LOC112694756: variants seen among roughly 807,000 people sequenced by gnomAD.
the LOC112694756 span, among the ~76,000 whole-genome samples, chr16:30,054,047 C>G: frequency 6.6e-6 from 1 of 151,008 alleles, no homozygotes. Flanking sequence ...TGACCAGGTG[C>G]GGTGGCTCAT....
At chr16:30,069,155 C>T in the LOC112694756 span, 1 of 1,320,366 alleles carries the variant, frequency 7.6e-7, no homozygotes, top group Non-Finnish European at 1.1e-6. Context: ...GTGGGTGGAT[C>T]TGAGGCGGCT....
At chr16:30,054,332 T>A in the LOC112694756 span, among the ~76,000 whole-genome samples, 87 of 151,760 alleles carry the variant, frequency 5.7e-4, 4 homozygotes, top group South Asian at 0.018. Context: ...ATAATAATAA[T>A]AAAATAAATA....
the LOC112694756 span, among the ~76,000 whole-genome samples, chr16:30,062,689 A>G: frequency 7.0e-6 from 1 of 142,604 alleles, no homozygotes; most frequent in African/African-American, 2.6e-5. Context: ...TAAAAATACA[A>G]AATTAGCCAA....
chr16:30,056,986 C>T, the LOC112694756 span, among the ~76,000 whole-genome samples: 2 of 150,816 alleles, frequency 1.3e-5, no homozygotes, highest in East Asian at 3.9e-4. Context: ...TCTCGGCTCA[C>T]CGCAATCTCT....
At chr16:30,054,936 T>A in the LOC112694756 span, 1 of 398,602 alleles carries the variant, frequency 2.5e-6, no homozygotes, top group African/African-American at 2.1e-5. Flanking sequence ...TGGTGAGGGG[T>A]CTGGTCGGGG....
At chr16:30,054,551 G>T in the LOC112694756 span, 2 of 355,894 alleles carry the variant, frequency 5.6e-6, no homozygotes, top group East Asian at 8.3e-5. Context: ...AGGAAAATCA[G>T]CCCTAGAAGA....
At chr16:30,067,552 C>G in the LOC112694756 span, 1 of 1,613,796 alleles carries the variant, frequency 6.2e-7, no homozygotes, top group African/African-American at 1.3e-5. Context: ...CGCGTGAACC[C>G]CTGCATTGGG....
the LOC112694756 span, chr16:30,068,319 C>T: frequency 2.7e-6 from 1 of 370,368 alleles, no homozygotes; most frequent in African/African-American, 2.1e-5. Flanking sequence ...CCACCTCGGC[C>T]TCCCAAAGTG....
chr16:30,062,710 A>G, the LOC112694756 span, among the ~76,000 whole-genome samples: 9 of 151,802 alleles, frequency 5.9e-5, no homozygotes, highest in African/African-American at 2.2e-4. Flanking sequence ...GTGTGGTGGC[A>G]CATGCCTGTA....
At chr16:30,067,317 C>T in the LOC112694756 span, 5 of 1,613,436 alleles carry the variant, frequency 3.1e-6, no homozygotes, top group Non-Finnish European at 4.2e-6. Flanking sequence ...ACATCGCTCA[C>T]CGCATCGTGG....
the LOC112694756 span, chr16:30,055,273 T>A: frequency 5.0e-6 from 2 of 399,228 alleles, no homozygotes; most frequent in Non-Finnish European, 8.8e-6. Context: ...GCAACTTTCC[T>A]CTGCCTAGCC....
At chr16:30,060,897 G>A in the LOC112694756 span, among the ~76,000 whole-genome samples, 1 of 152,210 alleles carries the variant, frequency 6.6e-6, no homozygotes. Flanking sequence ...GCAGGTGGCA[G>A]GTCCCCTCCC....
chr16:30,066,803 C>T, the LOC112694756 span: 3 of 1,448,634 alleles, frequency 2.1e-6, no homozygotes, highest in Admixed American at 4.6e-5. Flanking sequence ...ATATCTGGGC[C>T]CTTTCCCACG....
chr16:30,067,813 C>A, the LOC112694756 span: 1 of 830,368 alleles, frequency 1.2e-6, no homozygotes, highest in Non-Finnish European at 2.0e-6. Context: ...CATTTTTAAT[C>A]CTCACAATTC....
At chr16:30,057,140 C>T in the LOC112694756 span, among the ~76,000 whole-genome samples, 1 of 151,760 alleles carries the variant, frequency 6.6e-6, no homozygotes, top group African/African-American at 2.4e-5. Flanking sequence ...GAACTCCCGA[C>T]CTCAGGTTAT....
the LOC112694756 span, among the ~76,000 whole-genome samples, chr16:30,057,432 G>A: frequency 6.6e-6 from 1 of 152,186 alleles, no homozygotes; most frequent in Non-Finnish European, 1.5e-5. Context: ...GCTTGGAGAA[G>A]ACAACCTGTT....
the LOC112694756 span, chr16:30,055,187 G>T: frequency 5.0e-6 from 2 of 399,176 alleles, no homozygotes; most frequent in Non-Finnish European, 8.8e-6. Flanking sequence ...GGGCTGCTGC[G>T]CGGACGGTAG....
chr16:30,065,276 G>C, the LOC112694756 span, among the ~76,000 whole-genome samples: 1 of 152,220 alleles, frequency 6.6e-6, no homozygotes, highest in Non-Finnish European at 1.5e-5. Flanking sequence ...TTCAGCCCGC[G>C]GGCGAGGCAG....
the LOC112694756 span, chr16:30,066,980 C>A: frequency 1.3e-6 from 2 of 1,557,142 alleles, no homozygotes; most frequent in African/African-American, 2.7e-5. Flanking sequence ...CCCCCAGTTG[C>A]CAGTGGGCAA....
Sources: allele counts gnomAD v4.1 joint callset (sites outside exome capture counted in the v4.1 genomes callset), GRCh38; gene constraint gnomAD v4.1.1; transcripts MANE v1.5.